The following IL27RA variants were observed in gnomAD, a reference collection of about 807,000 sequenced individuals.
IL27RA encodes the protein interleukin-27 receptor subunit alpha.
In IL27RA, 61 loss-of-function variants were observed where a neutral mutation model predicts 80.8. That is an observed-to-expected ratio of 0.76 (90% confidence interval 0.61 to 0.93). The LOEUF (loss-of-function observed/expected upper bound fraction) is 0.93, where lower values mean the gene tolerates loss of function less well. IL27RA is among the 40% of genes least tolerant of loss of function. The pLI, the probability that IL27RA is intolerant of heterozygous loss-of-function variation, is 0.00. For missense variants in IL27RA, 735 were observed against 808.1 expected, an observed-to-expected ratio of 0.91 and a Z score of 1.10; for synonymous variants, 316 against 332.5, an observed-to-expected ratio of 0.95 and a Z score of 0.54.
At chr19:14,032,020 C>T (rs776446686) in intron 1 of IL27RA, 48 bp downstream of exon 1, 104 of 1,499,008 alleles carry the variant, frequency 6.9e-5, no homozygotes, top group Non-Finnish European at 9.3e-5. Context: ...GCTGCGCTCC[C>T]CGCGAAGGCG....
chr19:14,036,451 G>T (rs6511908), intron 2 of IL27RA, among the ~76,000 whole-genome samples: 65,211 of 150,246 alleles, frequency 0.43, 17,892 homozygotes, highest in African/African-American at 0.78. Flanking sequence ...CATAATGTTC[G>T]CCATTTCCAT....
intron 6 of IL27RA, 79 bp downstream of exon 6, chr19:14,042,868 G>A: frequency 4.6e-6 from 6 of 1,290,610 alleles, no homozygotes; most frequent in African/African-American, 1.5e-5. Flanking sequence ...GCCGGATGCA[G>A]TGGCTCACGC....
In IL27RA at chr19:14,039,640, C is replaced by G; in HGVS notation, c.351C>G (p.Pro117=). Residue 117 remains proline (P), a synonymous_variant, in exon 3 of 14, where the codon CCC becomes CCG. Transcript: ENST00000263379. Reference sequence around the variant, plus strand: ...AGGCAGGCCAGCCTCTCTGGCCCCCCGTCTTCGTGAACCTAGAAACCCAAA... The same window carrying G: ...AGGCAGGCCAGCCTCTCTGGCCCCCGGTCTTCGTGAACCTAGAAACCCAAA... ...GTKAGQPLWP[P]VFVNLETQMK... 6.2e-7 allele frequency: 1 copy of G among 1,613,946 alleles called. No individual in the cohort carries two copies. Among genetic ancestry groups the G allele is most frequent in the Non-Finnish European group, 8.5e-7 (1 of 1,179,922 alleles).
Position 14,050,806 on chromosome 19 carries a change from C to T in IL27RA, c.1451C>T (p.Pro484Leu), listed in dbSNP as rs763639448. 2 of 1,613,700 alleles carry T rather than the reference C, an allele frequency of 1.2e-6. No homozygotes were observed. The highest frequency in any genetic ancestry group is 2.7e-5 in the African/African-American group (2 of 75,032). Residue 484 changes from proline (P) to leucine (L), a missense_variant, in exon 11 of 14, where the codon CCC becomes CTC. Coordinates refer to ENST00000263379, the MANE Select transcript of IL27RA (RefSeq NM_004843.4). Reference sequence around the variant, plus strand: ...ACCCTGCCTGACCTTCCTTGGGGTCCCTGTGAGCTGTGGGTGACAGCATCT... The same window carrying T: ...ACCCTGCCTGACCTTCCTTGGGGTCTCTGTGAGCTGTGGGTGACAGCATCT... ...SVTLPDLPWG[P>L]CELWVTASTI...
At chr19:14,034,226 G>A (rs540892829) in intron 2 of IL27RA, among the ~76,000 whole-genome samples, 1 of 152,214 alleles carries the variant, frequency 6.6e-6, no homozygotes, top group South Asian at 2.1e-4. Flanking sequence ...GACTCCATGT[G>A]TTTCTTCATG....
chr19:14,051,406 G>A (rs1429394128), intron 11 of IL27RA, among the ~76,000 whole-genome samples: 5 of 151,720 alleles, frequency 3.3e-5, no homozygotes, highest in African/African-American at 4.9e-5. Context: ...TTAGCTGGGC[G>A]TGGTGGCGTG....
In IL27RA at chr19:14,039,921, G is replaced by A. The variant is rs1376912431; in HGVS notation, c.534+11G>A. The A allele has an allele frequency of 6.2e-7, 1 of 1,613,116 alleles. No homozygotes were observed. Among genetic ancestry groups the A allele is most frequent in the African/African-American group, 1.3e-5 (1 of 74,874 alleles). On this transcript the variant is annotated intron_variant, in intron 4 of 13. Transcript: ENST00000263379. ...GCGGCCTGGACCCTGGTGAGTGCTG[G>A]GGTCCTTTTCTCCCCACCCTATTCC...
rs1976201404 is a variant in IL27RA, at chr19:14,052,860, C to CAGAATG, written c.*574_*579dup. On this transcript the variant is annotated 3_prime_UTR_variant, in exon 14 of 14. Coordinates refer to ENST00000263379, the MANE Select transcript of IL27RA (RefSeq NM_004843.4). The stretch of plus-strand genomic sequence containing the variant: ...CACCACTGCACTCCAGGCTGGGTAA[C>CAGAATG]AGAATGAGACCTTATCTCAAAAATA... 1 of 135,612 alleles carries CAGAATG rather than the reference C, an allele frequency of 7.4e-6. No individual in the cohort carries two copies. Among genetic ancestry groups the CAGAATG allele is most frequent in the African/African-American group, 2.8e-5 (1 of 35,890 alleles). The allele number at this position is 135,612 out of a possible 1,614,324, so 8.4% of individuals were successfully genotyped here.
chr19:14,032,435 G>A lies in IL27RA; in HGVS notation c.150G>A (p.Leu50=), dbSNP rs1394761993. 14 of 1,613,750 alleles carry A rather than the reference G, an allele frequency of 8.7e-6. No individual in the cohort carries two copies. The Admixed American group carries it at 2.3e-4, about 27-fold the overall frequency. Residue 50 remains leucine, a synonymous_variant, in exon 2 of 14, where the codon TTG becomes TTA. Coordinates refer to ENST00000263379, the MANE Select transcript of IL27RA (RefSeq NM_004843.4). ...ACGGAGTTGGACCCTTGGGCGACTT[G>A]AACTGCTCGTGGGAGCCTCTTGGGG... ...QCYGVGPLGD[L]NCSWEPLGDL...
chr19:14,046,018 T>G lies in IL27RA; in HGVS notation c.769-136T>G, dbSNP rs1369968608. The G allele has an allele frequency of 3.6e-6, 3 of 839,796 alleles. No individual in the cohort carries two copies. The African/African-American group carries it at 5.3e-5, about 15-fold the overall frequency. 52.0% of individuals were successfully genotyped at this position (839,796 alleles called of 1,614,324 possible). A position where few individuals can be genotyped will look rare whatever the true frequency, so the allele number is the denominator to read the frequency against. On this transcript the variant is annotated intron_variant, in intron 6 of 13. Transcript: ENST00000263379. Reference sequence around the variant, plus strand: ...CCAGTCTGGGTAACAGAATGAAGACTCCGTCTCAAAAAACAAACAAACAAA... The same window carrying G: ...CCAGTCTGGGTAACAGAATGAAGACGCCGTCTCAAAAAACAAACAAACAAA...
At chr19:14,037,416 G>A (rs764279274) in intron 2 of IL27RA, among the ~76,000 whole-genome samples, 3 of 151,774 alleles carry the variant, frequency 2.0e-5, no homozygotes, top group South Asian at 2.1e-4. Flanking sequence ...CAGGACACAC[G>A]GCTAATTTTT....
intron 4 of IL27RA, 118 bp downstream of exon 4, chr19:14,040,028 C>G: frequency 1.9e-6 from 2 of 1,026,908 alleles, no homozygotes; most frequent in South Asian, 3.1e-5. Flanking sequence ...CTGTATGCCT[C>G]CCACTCAAAA....
At chr19:14,049,497 C>T (rs1312985769) in intron 10 of IL27RA, among the ~76,000 whole-genome samples, 183 bp downstream of exon 10, 1 of 151,694 alleles carries the variant, frequency 6.6e-6, no homozygotes, top group African/African-American at 2.4e-5. Flanking sequence ...GGATGCCAAT[C>T]TATATTTATT....
Position 14,031,941 on chromosome 19 carries a change from G to T in IL27RA, c.69G>T (p.Leu23Phe). 1.2e-6 allele frequency: 2 copies of T among 1,611,310 alleles called. No individual in the cohort carries two copies. The highest frequency in any genetic ancestry group is 1.7e-6 in the Non-Finnish European group (2 of 1,178,876). The change falls in exon 1 of 14, where the codon TTG (leucine) becomes TTT (phenylalanine). Residue 23 changes from leucine to phenylalanine, a missense_variant. Transcript: ENST00000263379. ...CCAAGCTGGCGCTGCTGCCTCTGTT[G>T]TGGGTGCTTTTCCAGCGGACGCGTC... ...PLPKLALLPL[L>F]WVLFQRTRPQ...
At chr19:14,032,291 C>CA in intron 1 of IL27RA, 95 bp from the exon 2 acceptor site, 1 of 959,630 alleles carries the variant, frequency 1.0e-6, no homozygotes, top group East Asian at 2.4e-5. Context: ...TAAGCCCCCC[C>CA]ACCTTGCAAT....
In IL27RA at chr19:14,039,658, A is replaced by C. The variant is rs776854880; in HGVS notation, c.369A>C (p.Glu123Asp). The change falls in exon 3 of 14, where the codon GAA (glutamate) becomes GAC (aspartate). Residue 123 changes from glutamate (E) to aspartate (D), a missense_variant. Physicochemically the swap from Glu to Asp is conservative, Grantham distance 45. Coordinates refer to ENST00000263379, the MANE Select transcript of IL27RA (RefSeq NM_004843.4). The stretch of plus-strand genomic sequence containing the variant: ...GGCCCCCCGTCTTCGTGAACCTAGA[A>C]ACCCAAAGTAACGTGGCAGGAGGGT... ...PLWPPVFVNL[E>D]TQMKPNAPRL... The C allele has an allele frequency of 4.3e-6, 7 of 1,613,336 alleles. No homozygotes were observed. The highest frequency in any genetic ancestry group is 5.9e-6 in the Non-Finnish European group (7 of 1,179,612).
At position 14,052,180 on chromosome 19, in the gene IL27RA, C is replaced by G; in HGVS notation, c.1801C>G (p.Gln601Glu). The G allele has an allele frequency of 2.5e-6, 4 of 1,612,518 alleles. No individual in the cohort carries two copies. The highest frequency in any genetic ancestry group is 3.4e-6 in the Non-Finnish European group (4 of 1,179,358). Residue 601 changes from glutamine to glutamate, a missense_variant, in exon 14 of 14, where the codon CAG becomes GAG. Physicochemically the swap from Gln to Glu is conservative, Grantham distance 29. Coordinates refer to ENST00000263379, the MANE Select transcript of IL27RA (RefSeq NM_004843.4). ...GCCCCCGCCGGTTATGGAGTCCTCC[C>G]AGCCCGCCCAGGCCACCGCCCCGCT... Reference protein sequence around the residue: ...MEPPPVMESSQPAQATAPLDS... With the variant: ...MEPPPVMESSEPAQATAPLDS...
intron 10 of IL27RA, among the ~76,000 whole-genome samples, chr19:14,050,223 T>C (rs1451104522): frequency 4.7e-5 from 7 of 150,434 alleles, no homozygotes; most frequent in African/African-American, 1.7e-4. Context: ...AGCAAGGGGC[T>C]GGGCAAGGTG....
intron 2 of IL27RA, among the ~76,000 whole-genome samples, chr19:14,035,758 A>C (rs1297771391): frequency 1.3e-5 from 2 of 151,832 alleles, no homozygotes; most frequent in African/African-American, 4.8e-5. Flanking sequence ...TTCTATTTTT[A>C]TTTTAGTTTT....
Sources: gnomAD v4.1 joint callset for allele counts (sites outside exome capture counted in the v4.1 genomes callset) on GRCh38, gnomAD v4.1.1 for gene constraint, MANE v1.5 for transcripts, NCBI Gene and HGNC (gene_info 2026-07-23, HGNC 2026-07-21) for gene names.